The following UBAC2 variants were observed in gnomAD, a reference collection of about 807,000 sequenced individuals.
UBAC2 encodes the protein ubiquitin-associated domain-containing protein 2.
In UBAC2, 26 loss-of-function variants were observed where a neutral mutation model predicts 44.0. The ratio of observed to expected loss-of-function variants is 0.59; its 90% CI spans 0.43 to 0.82. The LOEUF is 0.82. Ranked by LOEUF, UBAC2 falls within the 40% of genes least tolerant of loss-of-function variation. UBAC2 has a pLI of 0.00. For missense variants in UBAC2, 329 were observed against 419.4 expected, an observed-to-expected ratio of 0.78 and a Z score of 1.88; for synonymous variants, 155 against 154.3, an observed-to-expected ratio of 1.00 and a Z score of -0.04.
At chr13:99,359,813 G>A (rs1191570107) in intron 7 of UBAC2, among the ~76,000 whole-genome samples, 1 of 152,186 alleles carries the variant, frequency 6.6e-6, no homozygotes, top group Non-Finnish European at 1.5e-5. Context: ...CCCCTAAAGA[G>A]TCACATCGCC....
intron 6 of UBAC2, among the ~76,000 whole-genome samples, chr13:99,329,658 A>G (rs1301612115): frequency 6.6e-6 from 1 of 152,228 alleles, no homozygotes; most frequent in Non-Finnish European, 1.5e-5. Context: ...GGAGAGGTCC[A>G]CATGGCCAAC....
At chr13:99,201,157 C>T in intron 1 of UBAC2, 1 of 1,360,094 alleles carries the variant, frequency 7.4e-7, no homozygotes, top group Non-Finnish European at 9.5e-7. Context: ...GCCCCGCCGC[C>T]CGCCCCGACC....
chr13:99,201,782 G>C (rs1208073801), intron 1 of UBAC2, among the ~76,000 whole-genome samples: 1 of 152,096 alleles, frequency 6.6e-6, no homozygotes, highest in African/African-American at 2.4e-5. Context: ...AAATATTAAA[G>C]ATCTGTTGGC....
intron 4 of UBAC2, among the ~76,000 whole-genome samples, chr13:99,269,363 T>G (rs1381583464): frequency 6.6e-6 from 1 of 152,222 alleles, no homozygotes; most frequent in Non-Finnish European, 1.5e-5. Flanking sequence ...CAGGATGTTC[T>G]GTGCAGCCTA....
intron 4 of UBAC2, among the ~76,000 whole-genome samples, chr13:99,287,438 A>T (rs1390210901): frequency 5.3e-5 from 8 of 150,610 alleles, no homozygotes; most frequent in Middle Eastern, 6.8e-3. Flanking sequence ...TTTTTTTTTT[A>T]AATTTTGAGA....
chr13:99,349,082 A>T (rs1174015983), intron 7 of UBAC2, among the ~76,000 whole-genome samples: 2 of 152,216 alleles, frequency 1.3e-5, no homozygotes, highest in African/African-American at 4.8e-5. Flanking sequence ...AGCTCATCAC[A>T]GTGAAGGACG....
rs1380058157 is a variant in UBAC2 at position 99,242,382 on chromosome 13, C to T, written c.160-1450C>T. 6.1e-3 allele frequency among the ~76,000 whole-genome samples: 896 copies of T among 146,532 alleles called. 1 individual carries two copies. Among genetic ancestry groups the T allele is most frequent in the Non-Finnish European group, 8.4e-3 (555 of 65,846 alleles). ...GGGCGGCTGTCCGGGCAGAGGGGCT[C>T]CTCACTTCCCAGTAGGGGCGGCCGG... On this transcript the variant is annotated intron_variant, in intron 2 of 8. Transcript: ENST00000403766.
chr13:99,356,068 T>G (rs1346792821), intron 7 of UBAC2: 2 of 493,384 alleles, frequency 4.1e-6, no homozygotes, highest in Admixed American at 2.0e-5. Flanking sequence ...GCTAGGTATG[T>G]CAGGCCTCTG....
chr13:99,371,038 A>G (rs2045399090), intron 8 of UBAC2, among the ~76,000 whole-genome samples: 2 of 152,248 alleles, frequency 1.3e-5, no homozygotes, highest in Non-Finnish European at 1.5e-5. Flanking sequence ...CTCATGGGGC[A>G]GCCGTTAAGA....
At chr13:99,291,134 C>G (rs2044084587) in intron 4 of UBAC2, among the ~76,000 whole-genome samples, 3 of 152,286 alleles carry the variant, frequency 2.0e-5, no homozygotes, top group Admixed American at 2.0e-4. Flanking sequence ...CTATAGTTTC[C>G]TCATCAGCAA....
rs1594081910 is a variant in UBAC2, at chr13:99,279,263, C to T, written c.389+34639C>T. Among the ~76,000 whole-genome samples, 6 of 152,140 alleles carry T rather than the reference C, an allele frequency of 3.9e-5. No homozygotes were observed. The South Asian group carries it at 1.2e-3, about 32-fold the overall frequency. ...ATTTTAGTAAATAAATACTTAAATG[C>T]TTGAATGTGATTGCACAGAGCAAAG... On this transcript the variant is annotated intron_variant, in intron 4 of 8. Transcript: ENST00000403766.
chr13:99,260,908 T>C (rs1443061190), intron 4 of UBAC2, among the ~76,000 whole-genome samples: 1 of 152,194 alleles, frequency 6.6e-6, no homozygotes, highest in African/African-American at 2.4e-5. Flanking sequence ...TGGGTTTTGG[T>C]TTTGATATTA....
At chr13:99,253,485 T>C (rs1487005748) in intron 4 of UBAC2, among the ~76,000 whole-genome samples, 1 of 152,200 alleles carries the variant, frequency 6.6e-6, no homozygotes, top group Non-Finnish European at 1.5e-5. Context: ...TTTTAAGGAA[T>C]ATGAATTTAC....
At chr13:99,254,202 A>G (rs1040342176) in intron 4 of UBAC2, among the ~76,000 whole-genome samples, 27 of 152,338 alleles carry the variant, frequency 1.8e-4, no homozygotes, top group African/African-American at 5.8e-4. Context: ...ATATAGTAGA[A>G]ACCTCAAATG....
At position 99,243,887 on chromosome 13, in the gene UBAC2, G is replaced by C; in HGVS notation, c.215G>C (p.Cys72Ser). 1 of 1,569,108 alleles carries C rather than the reference G, an allele frequency of 6.4e-7. No individual in the cohort carries two copies. Among genetic ancestry groups the C allele is most frequent in the Non-Finnish European group, 8.7e-7 (1 of 1,154,672 alleles). The part of the protein sequence containing the change: ...IICLDLKDTF[C>S]SSLLIYNFRI... Reference sequence around the variant, plus strand: ...TGCCTTGATTTGAAAGATACTTTCTGCAGTAGTCTGCTTATTTATAATTTT... The same window carrying C: ...TGCCTTGATTTGAAAGATACTTTCTCCAGTAGTCTGCTTATTTATAATTTT... The change falls in exon 3 of 9, where the codon TGC becomes TCC. Residue 72 changes from cysteine (C) to serine (S), a missense_variant. Cys to Ser is a moderately radical substitution (Grantham distance 112). Coordinates refer to ENST00000403766, the MANE Select transcript of UBAC2 (RefSeq NM_001144072.2).
chr13:99,272,245 CTA>C (rs1318184187), intron 4 of UBAC2, among the ~76,000 whole-genome samples: 4 of 152,150 alleles, frequency 2.6e-5, no homozygotes, highest in Non-Finnish European at 4.4e-5. Context: ...ATTTTAATTT[CTA>C]TCTTTGTTTC....
chr13:99,225,171 TG>T (rs1262713804), intron 1 of UBAC2, among the ~76,000 whole-genome samples: 1 of 152,236 alleles, frequency 6.6e-6, no homozygotes, highest in Non-Finnish European at 1.5e-5. Context: ...TAATATAAAA[TG>T]TACAATCTTA....
intron 1 of UBAC2, among the ~76,000 whole-genome samples, chr13:99,234,677 C>G (rs1026549393): frequency 6.6e-6 from 1 of 152,178 alleles, no homozygotes; most frequent in Non-Finnish European, 1.5e-5. Context: ...TCTCATAGCT[C>G]TTGTTCTTTC....
rs573893314 is a variant in UBAC2 at position 99,313,771 on chromosome 13, G to A, written c.390-326G>A. Among the ~76,000 whole-genome samples, 3 of 152,290 alleles carry A rather than the reference G, an allele frequency of 2.0e-5. No individual in the cohort carries two copies. The East Asian group carries it at 5.8e-4, about 29-fold the overall frequency. ...AAGAATTCTAATGTTTGCTGCTTTC[G>A]ATTTGTCTAGTTTCTCTCATTAGAT... is the stretch of plus-strand genomic sequence containing the variant. On this transcript the variant is annotated intron_variant, in intron 4 of 8. Transcript: ENST00000403766.
Sources: allele counts gnomAD v4.1 joint callset (sites outside exome capture counted in the v4.1 genomes callset), GRCh38; gene constraint gnomAD v4.1.1; transcripts MANE v1.5; gene names NCBI Gene and HGNC (gene_info 2026-07-23, HGNC 2026-07-21).